Variants in SYNE1 observed in about 807,000 individuals in gnomAD.
The protein encoded by SYNE1 is spectrin repeat containing nuclear envelope protein 1, also known as nesprin-1.
A neutral mutation model predicts 1,111.0 loss-of-function variants in SYNE1; 616 were observed. That is an observed-to-expected ratio of 0.55 (90% CI 0.52 to 0.59). SYNE1 has a LOEUF of 0.59. Ranked by LOEUF, SYNE1 falls within the 20% of genes least tolerant of loss-of-function variation. The pLI is 0.00. For synonymous variants in SYNE1, 3,855 were observed against 3,825.8 expected (o/e 1.01, Z -0.28); for missense variants, 10,006 against 10,417.0 (o/e 0.96, Z 1.72).
At chr6:152,215,856 G>C (rs908777965) in intron 121 of SYNE1, among the ~76,000 whole-genome samples, 4 of 152,150 alleles carry the variant, frequency 2.6e-5, no homozygotes, top group African/African-American at 9.7e-5. Context: ...AACCTCCTTG[G>C]GTTCTTGCTA....
Position 152,505,462 on chromosome 6 carries a change from C to A in SYNE1, c.582-65G>T, listed in dbSNP as rs545507871. ...ATAGATACAAGCACTTTCTTCAAGGCCTCATGCAAAATCCAGTGCTTTTCA... is the reference window on the plus strand; with the variant it reads ...ATAGATACAAGCACTTTCTTCAAGGACTCATGCAAAATCCAGTGCTTTTCA... On this transcript the variant is annotated intron_variant, in intron 8 of 145. Transcript: ENST00000367255. 8 of 1,540,744 alleles carry A rather than the reference C, an allele frequency of 5.2e-6. No homozygotes were observed. The African/African-American group carries it at 1.1e-4, about 21-fold the overall frequency.
At chr6:152,235,736 T>C (rs1432643261) in intron 110 of SYNE1, among the ~76,000 whole-genome samples, 1 of 151,982 alleles carries the variant, frequency 6.6e-6, no homozygotes, top group Non-Finnish European at 1.5e-5. Context: ...AATATCTACT[T>C]GCCTTATTTA....
chr6:152,239,441 G>T, intron 108 of SYNE1, 92 bp downstream of exon 108: 1 of 1,520,984 alleles, frequency 6.6e-7, no homozygotes, highest in Non-Finnish European at 9.1e-7. Flanking sequence ...GGTTATGTGA[G>T]GCAAACTGCA....
intron 121 of SYNE1, among the ~76,000 whole-genome samples, chr6:152,216,865 C>A (rs376249697): frequency 6.6e-6 from 1 of 151,904 alleles, no homozygotes; most frequent in Non-Finnish European, 1.5e-5. Context: ...ACCAGCCTGG[C>A]CAACATAGTG....
chr6:152,205,986 T>C (rs2076429126), intron 126 of SYNE1, among the ~76,000 whole-genome samples, 182 bp downstream of exon 126: 2 of 152,200 alleles, frequency 1.3e-5, no homozygotes, highest in Non-Finnish European at 2.9e-5. Context: ...ATGCTGAAAA[T>C]TGGGAAACTT....
chr6:152,309,495 A>G (rs887438051), intron 90 of SYNE1, among the ~76,000 whole-genome samples: 2 of 152,240 alleles, frequency 1.3e-5, no homozygotes, highest in East Asian at 3.8e-4. Context: ...GTAACACAAG[A>G]TAACAGTAAA....
At chr6:152,462,620 C>T (rs2098741098) in intron 20 of SYNE1, 118 bp downstream of exon 20, 2 of 1,189,668 alleles carry the variant, frequency 1.7e-6, no homozygotes, top group Non-Finnish European at 2.5e-6. Context: ...GACATACAGA[C>T]ATGTCAAAAT....
Position 152,218,238 on chromosome 6 carries a change from C to T in SYNE1, c.22191+19G>A. 6.2e-7 allele frequency: 1 copy of T among 1,613,716 alleles called. No homozygotes were observed. The highest frequency in any genetic ancestry group is 8.5e-7 in the Non-Finnish European group (1 of 1,179,824). On this transcript the variant is annotated intron_variant, in intron 121 of 145. Transcript: ENST00000367255. ...GACAGATGGTAAAAGATCTGGGACT[C>T]AGATTTGAACACACTTACCTTAAGT...
chr6:152,180,808 G>A (rs1230111888), intron 128 of SYNE1, among the ~76,000 whole-genome samples: 3 of 152,148 alleles, frequency 2.0e-5, no homozygotes, highest in East Asian at 1.9e-4. Flanking sequence ...GCATCCAAGC[G>A]AAGCGGCCTG....
intron 59 of SYNE1, 67 bp from the exon 60 acceptor site, chr6:152,369,681 T>C: frequency 1.3e-6 from 2 of 1,588,530 alleles, no homozygotes; most frequent in South Asian, 1.1e-5. Context: ...GTCCTTCACT[T>C]GGCATTCAAA....
At chr6:152,482,051 G>A (rs758211033) in intron 14 of SYNE1, among the ~76,000 whole-genome samples, 5 of 152,036 alleles carry the variant, frequency 3.3e-5, no homozygotes, top group Non-Finnish European at 7.4e-5. Context: ...ATCAGAAAAG[G>A]CCAAGAGGAA....
chr6:152,326,626 A>C lies in SYNE1; in HGVS notation c.14963T>G (p.Leu4988Trp), dbSNP rs1296892227. The C allele has an allele frequency of 6.2e-7, 1 of 1,613,412 alleles. No homozygotes were observed. Among genetic ancestry groups the C allele is most frequent in the African/African-American group, 1.3e-5 (1 of 74,932 alleles). Residue 4988 changes from leucine to tryptophan, a missense_variant, in exon 79 of 146, where the codon TTG (leucine) becomes TGG (tryptophan). Physicochemically the swap from Leu to Trp is moderately conservative, Grantham distance 61. This residue lies in a region of SYNE1 where 4,955 missense variants were observed against 5,017.2 expected (regional missense o/e 0.99). Coordinates refer to ENST00000367255, the MANE Select transcript of SYNE1 (RefSeq NM_182961.4). Reference protein sequence around the residue: ...QEALRTRQATLTEIYSQCQRY... With the variant: ...QEALRTRQATWTEIYSQCQRY... Reference sequence around the variant, plus strand: ...TTGACACTGGCTATATATTTCAGTCAAGGTAGCCTGAAAAACAGCAATTGC... The same window carrying C: ...TTGACACTGGCTATATATTTCAGTCCAGGTAGCCTGAAAAACAGCAATTGC...
At chr6:152,126,275 T>A (rs144783182) in intron 145 of SYNE1, 4 of 152,162 alleles carry the variant, frequency 2.6e-5, no homozygotes, top group Non-Finnish European at 5.9e-5. Context: ...AGTTTCAACA[T>A]GCCCAAAGCT....
chr6:152,412,265 CA>C (rs376292146), intron 42 of SYNE1, among the ~76,000 whole-genome samples: 4,391 of 150,564 alleles, frequency 0.029, 72 homozygotes, highest in Non-Finnish European at 0.036. Context: ...ACTAAAAATA[CA>C]AAAAAAAATT....
chr6:152,436,244 C>T, intron 32 of SYNE1, 143 bp from the exon 33 acceptor site: 4 of 869,496 alleles, frequency 4.6e-6, no homozygotes, highest in Non-Finnish European at 5.1e-6. Context: ...TTGTTCTTAA[C>T]AATAAATCTG....
chr6:152,156,898 G>A (rs1365767390), intron 131 of SYNE1, among the ~76,000 whole-genome samples: 1 of 151,988 alleles, frequency 6.6e-6, no homozygotes, highest in East Asian at 1.9e-4. Context: ...CACAATATCA[G>A]CTCATGGAAA....
At chr6:152,428,448 T>G in intron 36 of SYNE1, 56 bp from the exon 37 acceptor site, 3 of 1,592,642 alleles carry the variant, frequency 1.9e-6, no homozygotes, top group Non-Finnish European at 2.6e-6. Flanking sequence ...GAGGCCTGCA[T>G]TTTTCTTTGA....
At chr6:152,389,383 G>A (rs1563624751) in intron 53 of SYNE1, among the ~76,000 whole-genome samples, 1 of 152,088 alleles carries the variant, frequency 6.6e-6, no homozygotes, top group Non-Finnish European at 1.5e-5. Context: ...AGGCACCAGT[G>A]TCTGTTATCC....
chr6:152,376,825 G>T lies in SYNE1; in HGVS notation c.9097C>A (p.Leu3033Met). 6.2e-7 allele frequency: 1 copy of T among 1,614,042 alleles called. No individual in the cohort carries two copies. The highest frequency in any genetic ancestry group is 8.5e-7 in the Non-Finnish European group (1 of 1,180,006). The change falls in exon 57 of 146, where the codon CTG becomes ATG. Residue 3033 changes from leucine to methionine, a missense_variant. By Grantham distance (15) the Leu-to-Met change is conservative. Transcript: ENST00000367255. Reference sequence around the variant, plus strand: ...GAAACTTTTCCACTGTAGGTACTCAGGTCTCTGGAAAATCGACAAAGTTCA... The same window carrying T: ...GAAACTTTTCCACTGTAGGTACTCATGTCTCTGGAAAATCGACAAAGTTCA... ...LNELCRFSRD[L>M]STYSGKVSGL...
Sources: allele counts gnomAD v4.1 joint callset (sites outside exome capture counted in the v4.1 genomes callset), GRCh38; gene constraint gnomAD v4.1.1; regional missense constraint gnomAD v4.1.1; transcripts MANE v1.5; gene names NCBI Gene and HGNC (gene_info 2026-07-23, HGNC 2026-07-21).